Variants in KAZN observed in about 807,000 individuals in gnomAD.
KAZN encodes kazrin.
Under a neutral mutation model 87.4 loss-of-function variants are expected in KAZN, and 40 were observed. The observed-to-expected ratio is 0.46, with a 90% CI of 0.36 to 0.60. KAZN has a LOEUF of 0.60. Ranked by LOEUF, KAZN falls within the 20% of genes least tolerant of loss-of-function variation. The pLI is 0.00. For missense variants in KAZN, 898 were observed against 1,073.9 expected, an observed-to-expected ratio of 0.84 and a Z score of 2.29; for synonymous variants, 466 against 458.3, an observed-to-expected ratio of 1.02 and a Z score of -0.22.
chr1:14,015,597 C>T (rs1239276197), intron 1 of KAZN, among the ~76,000 whole-genome samples: 5 of 146,962 alleles, frequency 3.4e-5, no homozygotes, highest in Non-Finnish European at 7.5e-5. Context: ...TCTCCTGCCT[C>T]AGCCTCCCGA....
At chr1:14,731,018 T>G (rs1362211227) in intron 1 of KAZN, among the ~76,000 whole-genome samples, 1 of 152,166 alleles carries the variant, frequency 6.6e-6, no homozygotes, top group South Asian at 2.1e-4. Flanking sequence ...CCCTGGCTAT[T>G]GTTCTGTTTG....
At chr1:14,334,364 CAAAAAAAAAAA>C (rs34525897) in intron 2 of KAZN, among the ~76,000 whole-genome samples, 5 of 61,384 alleles carry the variant, frequency 8.1e-5, no homozygotes, top group South Asian at 9.7e-4. Context: ...GATTCCATCT[CAAAAAAAAAAA>C]AAAAAAAAAA....
intron 1 of KAZN, among the ~76,000 whole-genome samples, chr1:14,904,607 A>G (rs962006658): frequency 2.0e-5 from 3 of 152,138 alleles, no homozygotes; most frequent in African/African-American, 7.2e-5. Context: ...CAGATTCCCG[A>G]CTAGAGAAGC....
At chr1:14,497,346 A>G (rs1670003142) in intron 2 of KAZN, among the ~76,000 whole-genome samples, 1 of 151,130 alleles carries the variant, frequency 6.6e-6, no homozygotes, top group Admixed American at 6.6e-5. Flanking sequence ...AAAAAAAAAA[A>G]AAAAAAAAAA....
At chr1:14,821,283 G>T (rs1646730529) in intron 1 of KAZN, among the ~76,000 whole-genome samples, 1 of 152,110 alleles carries the variant, frequency 6.6e-6, no homozygotes, top group African/African-American at 2.4e-5. Flanking sequence ...GGAAGCAAAG[G>T]CAGGCAGATC....
rs2050168 is a variant in KAZN, at chr1:13,993,797, T to C, written c.91+100041T>C. Among the ~76,000 whole-genome samples the C allele has an allele frequency of 2.4e-3, 358 of 152,286 alleles. 2 individuals are homozygous for C. Among genetic ancestry groups the C allele is most frequent in the African/African-American group, 8.4e-3 (350 of 41,572 alleles). Reference sequence around the variant, plus strand: ...TGACTGTGAGGGTCAGGGGTGGGCATGGGGCCACCTCAGAGTAGTTTGACT... The same window carrying C: ...TGACTGTGAGGGTCAGGGGTGGGCACGGGGCCACCTCAGAGTAGTTTGACT... On this transcript the variant is annotated intron_variant, in intron 1 of 16. Transcript: ENST00000636203.
chr1:14,357,907 G>C (rs1047550487), intron 2 of KAZN, among the ~76,000 whole-genome samples: 2 of 152,162 alleles, frequency 1.3e-5, no homozygotes, highest in African/African-American at 4.8e-5. Context: ...GTCTCTGCCA[G>C]GTTTCAATAT....
intron 14 of KAZN, chr1:15,114,226 C>T (rs888517950): frequency 5.8e-5 from 26 of 448,968 alleles, no homozygotes; most frequent in African/African-American, 4.7e-4. Flanking sequence ...TATTTGTCCT[C>T]ACCCTTGGTA....
chr1:14,169,880 A>G (rs1312905700), intron 1 of KAZN, among the ~76,000 whole-genome samples: 1 of 152,216 alleles, frequency 6.6e-6, no homozygotes, highest in Non-Finnish European at 1.5e-5. Context: ...CCCAACAGCT[A>G]TTAGACACAG....
chr1:14,405,421 TGA>T (rs2101154838), intron 2 of KAZN, among the ~76,000 whole-genome samples: 1 of 152,280 alleles, frequency 6.6e-6, no homozygotes, highest in African/African-American at 2.4e-5. Flanking sequence ...AGATCCACTT[TGA>T]GTCTTGGCAG....
At chr1:15,102,650 C>T (rs923905278) in intron 11 of KAZN, among the ~76,000 whole-genome samples, 2 of 152,166 alleles carry the variant, frequency 1.3e-5, no homozygotes, top group East Asian at 3.9e-4. Context: ...TCTCAACCAC[C>T]CACTGAAAAG....
chr1:15,112,748 G>A (rs1641696462), intron 14 of KAZN: 5 of 504,270 alleles, frequency 9.9e-6, no homozygotes, highest in Non-Finnish European at 1.8e-5. Flanking sequence ...CCCCCGCAGG[G>A]CTTCGAGTAG....
chr1:14,694,834 G>A (rs907956214), intron 1 of KAZN, among the ~76,000 whole-genome samples: 6 of 152,162 alleles, frequency 3.9e-5, no homozygotes, highest in Non-Finnish European at 4.4e-5. Flanking sequence ...AGAGGCATTC[G>A]GTAATTGTTG....
chr1:14,401,040 A>G (rs1663361471), intron 2 of KAZN, among the ~76,000 whole-genome samples: 1 of 152,232 alleles, frequency 6.6e-6, no homozygotes, highest in African/African-American at 2.4e-5. Context: ...AAATGCTGTA[A>G]GCATGGTGTG....
chr1:14,677,385 G>T (rs902762543), intron 1 of KAZN, among the ~76,000 whole-genome samples: 4 of 152,076 alleles, frequency 2.6e-5, no homozygotes, highest in African/African-American at 9.7e-5. Context: ...CATTGGAAAG[G>T]CAGAAATATC....
At chr1:14,318,226 T>C (rs1022756274) in intron 2 of KAZN, among the ~76,000 whole-genome samples, 9 of 152,128 alleles carry the variant, frequency 5.9e-5, no homozygotes, top group Non-Finnish European at 4.4e-5. Context: ...TCCTCTCACA[T>C]CTCTTGTAAC....
chr1:14,883,343 A>AGGGAGGGAGGG (rs375634372), intron 1 of KAZN, among the ~76,000 whole-genome samples: 1 of 33,312 alleles, frequency 3.0e-5, no homozygotes, highest in Non-Finnish European at 6.9e-5. Context: ...AGAGAGAGAG[A>AGGGAGGGAGGG]AAGAAAGAAA....
chr1:14,397,257 T>C (rs1342376270), intron 2 of KAZN, among the ~76,000 whole-genome samples: 1 of 150,296 alleles, frequency 6.7e-6, no homozygotes, highest in African/African-American at 2.4e-5. Flanking sequence ...ACAATGGAAG[T>C]TTCTCACAGT....
chr1:13,932,329 C>T lies in KAZN; in HGVS notation c.91+38573C>T, dbSNP rs12033412. 2.7e-3 allele frequency among the ~76,000 whole-genome samples: 374 copies of T among 140,838 alleles called. 1 individual carries two copies. Among genetic ancestry groups the T allele is most frequent in the African/African-American group, 9.5e-3 (340 of 35,716 alleles). The allele number at this position is 140,838 out of a possible 152,430, so 92.4% of individuals were successfully genotyped here. A position where few individuals can be genotyped will look rare whatever the true frequency, so the allele number is the denominator to read the frequency against. On this transcript the variant is annotated intron_variant, in intron 1 of 16. Transcript: ENST00000636203. Reference sequence around the variant, plus strand: ...AGGCTGGAGTGCAGTGGCGGGATCTCGGCTCACTGCAAGCTCCGCCTCCCG... The same window carrying T: ...AGGCTGGAGTGCAGTGGCGGGATCTTGGCTCACTGCAAGCTCCGCCTCCCG...
Sources: allele counts gnomAD v4.1 joint callset (sites outside exome capture counted in the v4.1 genomes callset), GRCh38; gene constraint gnomAD v4.1.1; transcripts MANE v1.5; gene names NCBI Gene and HGNC (gene_info 2026-07-23, HGNC 2026-07-21).